Variants in CDC7 observed in about 807,000 individuals in gnomAD.
CDC7 encodes cell division cycle 7-related protein kinase.
A neutral mutation model predicts 53.5 loss-of-function variants in CDC7; 34 were observed. The ratio of observed to expected loss-of-function variants is 0.64; its 90% CI spans 0.48 to 0.85. The LOEUF is 0.85. Among genes scored for constraint, CDC7 ranks in the 40% least tolerant of loss-of-function variants. The pLI is 0.00. For missense variants in CDC7, 594 were observed against 679.7 expected (o/e 0.87, Z 1.40); for synonymous variants, 211 against 222.8 (o/e 0.95, Z 0.47).
At chr1:91,523,874 A>G (rs1193433409) in intron 11 of CDC7, among the ~76,000 whole-genome samples, 167 bp from the exon 12 acceptor site, 1 of 142,274 alleles carries the variant, frequency 7.0e-6, no homozygotes, top group East Asian at 2.1e-4. Flanking sequence ...TAAATATAGC[A>G]TGTGGTGCTC....
intron 2 of CDC7, among the ~76,000 whole-genome samples, chr1:91,504,112 T>C (rs1398577138): frequency 6.6e-6 from 1 of 151,522 alleles, no homozygotes; most frequent in Non-Finnish European, 1.5e-5. Flanking sequence ...AAGCTTTTTT[T>C]TTTTTTTTTG....
intron 3 of CDC7, 67 bp from the exon 4 acceptor site, chr1:91,508,195 T>A: frequency 7.6e-7 from 1 of 1,316,146 alleles, no homozygotes; most frequent in Non-Finnish European, 1.1e-6. Context: ...TTACAATCTA[T>A]CTTAGAATTG....
chr1:91,517,756 C>T (rs910774345), intron 10 of CDC7, among the ~76,000 whole-genome samples: 18 of 151,924 alleles, frequency 1.2e-4, no homozygotes, highest in African/African-American at 4.4e-4. Flanking sequence ...GCACTTAAGG[C>T]TTGGAGAAAA....
chr1:91,501,649 C>A lies in CDC7; in HGVS notation c.-63-5C>A. 1 of 1,118,096 alleles carries A rather than the reference C, an allele frequency of 8.9e-7. No individual in the cohort carries two copies. The highest frequency in any genetic ancestry group is 1.3e-6 in the Non-Finnish European group (1 of 742,436). 69.3% of individuals were successfully genotyped at this position (1,118,096 alleles called of 1,614,324 possible). A position where few individuals can be genotyped will look rare whatever the true frequency, so the allele number is the denominator to read the frequency against. The stretch of plus-strand genomic sequence containing the variant: ...TAAATTTCTCTAGTGTTCTAATTTT[C>A]ACAGCTGCTTTGCTCCCCCTGTGGA... On this transcript the variant is annotated splice_region_variant and splice_polypyrimidine_tract_variant and intron_variant, in intron 1 of 11. Coordinates refer to ENST00000234626, the MANE Select transcript of CDC7 (RefSeq NM_003503.4).
At position 91,514,908 on chromosome 1, in the gene CDC7, T is replaced by C. The variant is rs1571328664; in HGVS notation, c.1008T>C (p.Ala336=). Residue 336 remains alanine, a synonymous_variant, in exon 9 of 12, where the codon GCT becomes GCC. Transcript: ENST00000234626. The stretch of plus-strand genomic sequence containing the variant: ...TTTCTACAAAAGTTATGAATAGTGC[T>C]GTGATGAGGAAAACTGCCAGTTCTT... ...KAISTKVMNS[A]VMRKTASSCP... 1.2e-6 allele frequency: 2 copies of C among 1,613,678 alleles called. No individual in the cohort carries two copies. Among genetic ancestry groups the C allele is most frequent in the East Asian group, 2.2e-5 (1 of 44,882 alleles).
chr1:91,506,547 T>A (rs1407281032), intron 2 of CDC7, among the ~76,000 whole-genome samples: 1 of 152,218 alleles, frequency 6.6e-6, no homozygotes, highest in African/African-American at 2.4e-5. Context: ...GTATTAAGAA[T>A]GATAACATGT....
intron 7 of CDC7, among the ~76,000 whole-genome samples, chr1:91,513,580 A>G (rs934396892): frequency 5.3e-5 from 8 of 152,158 alleles, no homozygotes; most frequent in Admixed American, 5.2e-4. Context: ...AAAATATTAA[A>G]TTTTCCCTGC....
chr1:91,507,500 A>G (rs988746199), intron 2 of CDC7, among the ~76,000 whole-genome samples: 2 of 152,178 alleles, frequency 1.3e-5, no homozygotes, highest in African/African-American at 4.8e-5. Flanking sequence ...GAACATCGCA[A>G]TGTGTCCTTG....
chr1:91,504,130 G>GTC (rs888070653), intron 2 of CDC7, among the ~76,000 whole-genome samples: 12 of 147,106 alleles, frequency 8.2e-5, no homozygotes, highest in Non-Finnish European at 1.8e-4. Flanking sequence ...TTGAGACATG[G>GTC]TCTCTCTGTC....
intron 10 of CDC7, among the ~76,000 whole-genome samples, chr1:91,518,092 T>TAAAAAA (rs1557598618): frequency 1.1e-3 from 1 of 942 alleles, no homozygotes; most frequent in Admixed American, 0.012. Context: ...AGACTCAGTC[T>TAAAAAA]CAAAAAAAAA....
intron 10 of CDC7, 52 bp from the exon 11 acceptor site, chr1:91,520,078 T>C: frequency 4.2e-6 from 6 of 1,412,722 alleles, no homozygotes; most frequent in Non-Finnish European, 5.7e-6. Flanking sequence ...TTGATTTAGA[T>C]GATAAAATTA....
At chr1:91,516,552 CTCTAG>C in intron 10 of CDC7, among the ~76,000 whole-genome samples, 1 of 152,144 alleles carries the variant, frequency 6.6e-6, no homozygotes, top group Non-Finnish European at 1.5e-5. Flanking sequence ...TCTGTTCACA[CTCTAG>C]TCAGGACACC....
chr1:91,506,641 C>T (rs559616332), intron 2 of CDC7, among the ~76,000 whole-genome samples: 13 of 152,052 alleles, frequency 8.5e-5, no homozygotes, highest in Non-Finnish European at 1.8e-4. Context: ...TTTTTTAAGA[C>T]AGCGTTTATT....
chr1:91,501,861 T>TA, intron 2 of CDC7, 30 bp downstream of exon 2: 1 of 1,488,762 alleles, frequency 6.7e-7, no homozygotes, highest in Non-Finnish European at 9.4e-7. Context: ...GATGTACAGT[T>TA]ATAAAGATTT....
Position 91,524,712 on chromosome 1 carries a change from T to C in CDC7, c.*277T>C. The C allele has an allele frequency of 3.1e-6, 1 of 319,560 alleles. No homozygotes were observed. The highest frequency in any genetic ancestry group is 5.7e-6 in the Non-Finnish European group (1 of 176,632). The allele number at this position is 319,560 out of a possible 1,614,324, so 19.8% of individuals were successfully genotyped here. On this transcript the variant is annotated 3_prime_UTR_variant, in exon 12 of 12. Coordinates refer to ENST00000234626, the MANE Select transcript of CDC7 (RefSeq NM_003503.4). Reference sequence around the variant, plus strand: ...AGATTTTTAGCTTCCCTAATTACCTTTCACTGACATATACAGAAAAAGGAG... The same window carrying C: ...AGATTTTTAGCTTCCCTAATTACCTCTCACTGACATATACAGAAAAAGGAG...
intron 11 of CDC7, 138 bp from the exon 12 acceptor site, chr1:91,523,896 GTGTGTGT>G (rs1668122991): frequency 3.9e-3 from 1 of 256 alleles, no homozygotes; most frequent in Non-Finnish European, 0.022. Flanking sequence ...ATCTCATACT[GTGTGTGT>G]GTGTGTGTGT....
rs146199746 is a variant in CDC7, at chr1:91,505,298, T to C, written c.116-2556T>C. On this transcript the variant is annotated intron_variant, in intron 2 of 11. Transcript: ENST00000234626. ...ATTGGAATGAAGTCAAAGAGAGATG[T>C]AAAGAGGCTTTCTAATGGAGTGAGA... 9.1e-4 allele frequency among the ~76,000 whole-genome samples: 139 copies of C among 152,298 alleles called. 2 individuals carry two copies. The highest frequency in any genetic ancestry group is 3.2e-3 in the African/African-American group (132 of 41,576).
chr1:91,519,953 A>T (rs1469357812), intron 10 of CDC7, among the ~76,000 whole-genome samples, 177 bp from the exon 11 acceptor site: 2 of 152,228 alleles, frequency 1.3e-5, no homozygotes, highest in Non-Finnish European at 2.9e-5. Flanking sequence ...CTTTTTTAAA[A>T]CATTGATGCC....
Position 91,514,071 on chromosome 1 carries a change from GGTCA to G in CDC7, c.918+37_918+40del, listed in dbSNP as rs1398270147. The G allele has an allele frequency of 1.1e-5, 16 of 1,399,896 alleles. No individual in the cohort carries two copies. The East Asian group carries it at 2.8e-4, about 24-fold the overall frequency. 86.7% of individuals were successfully genotyped at this position (1,399,896 alleles called of 1,614,324 possible). On this transcript the variant is annotated intron_variant, in intron 8 of 11. Transcript: ENST00000234626. ...AAGTAATGTAGCTTAATAGCATAAT[GGTCA>G]GTCAGTCATACACTGAAGAGAATTT...
Sources: gnomAD v4.1 joint callset for allele counts (sites outside exome capture counted in the v4.1 genomes callset) on GRCh38, gnomAD v4.1.1 for gene constraint, MANE v1.5 for transcripts, NCBI Gene and HGNC (gene_info 2026-07-23, HGNC 2026-07-21) for gene names.